AKT3: variants seen among roughly 807,000 people sequenced by gnomAD.
AKT3 encodes RAC-gamma serine/threonine-protein kinase.
In AKT3, 15 loss-of-function variants were observed where a neutral mutation model predicts 65.3. The observed-to-expected ratio is 0.23, with a 90% CI of 0.15 to 0.35. The LOEUF is 0.35. Among genes scored for constraint, AKT3 ranks in the 10% least tolerant of loss-of-function variants. The pLI is 1.00. For synonymous variants in AKT3, 206 were observed against 183.8 expected (o/e 1.12, Z -0.98); for missense variants, 243 against 576.5 (o/e 0.42, Z 5.92).
intron 3 of AKT3, among the ~76,000 whole-genome samples, chr1:243,691,919 AC>A (rs1684715416): frequency 6.6e-6 from 1 of 152,160 alleles, no homozygotes; most frequent in Non-Finnish European, 1.5e-5. Flanking sequence ...TTCAACCAGA[AC>A]CCTGTTAAAT....
intron 6 of AKT3, among the ~76,000 whole-genome samples, chr1:243,615,636 G>C (rs975989655): frequency 6.6e-6 from 1 of 152,092 alleles, no homozygotes; most frequent in African/African-American, 2.4e-5. Flanking sequence ...TTAGAACACA[G>C]AATACACATG....
chr1:243,715,398 C>G (rs538157881), intron 2 of AKT3, among the ~76,000 whole-genome samples: 1 of 151,976 alleles, frequency 6.6e-6, no homozygotes, highest in Non-Finnish European at 1.5e-5. Context: ...TTACAGTTTA[C>G]CAAATATTTT....
chr1:243,828,125 T>C (rs1245109389), intron 2 of AKT3, among the ~76,000 whole-genome samples: 1 of 152,088 alleles, frequency 6.6e-6, no homozygotes, highest in Non-Finnish European at 1.5e-5. Context: ...ACTGTCTATA[T>C]AGAAGTAAAC....
intron 13 of AKT3, among the ~76,000 whole-genome samples, chr1:243,489,372 G>A (rs556468991): frequency 6.6e-6 from 1 of 152,342 alleles, no homozygotes; most frequent in East Asian, 1.9e-4. Flanking sequence ...CCCGGCCCGC[G>A]AATCAACGAA....
intron 4 of AKT3, among the ~76,000 whole-genome samples, chr1:243,660,798 A>G (rs995651265): frequency 6.6e-6 from 1 of 152,214 alleles, no homozygotes; most frequent in South Asian, 2.1e-4. Context: ...ACATGATTGT[A>G]TATCTAGAAA....
chr1:243,733,695 A>C (rs1236334521), intron 2 of AKT3, among the ~76,000 whole-genome samples: 1 of 152,228 alleles, frequency 6.6e-6, no homozygotes, highest in African/African-American at 2.4e-5. Flanking sequence ...CTGGTTTCCC[A>C]GCTCATATAA....
intron 4 of AKT3, among the ~76,000 whole-genome samples, chr1:243,646,561 G>A (rs999307826): frequency 1.3e-5 from 2 of 152,102 alleles, no homozygotes; most frequent in African/African-American, 4.8e-5. Context: ...CACCATGTTG[G>A]CCAGGCTGGT....
intron 2 of AKT3, among the ~76,000 whole-genome samples, chr1:243,782,208 C>T (rs528947223): frequency 2.0e-5 from 3 of 152,162 alleles, no homozygotes; most frequent in Non-Finnish European, 4.4e-5. Context: ...TAAGAGAGAT[C>T]AAAACTTGTA....
chr1:243,797,129 TTA>T (rs762956946), intron 2 of AKT3, among the ~76,000 whole-genome samples: 10 of 152,156 alleles, frequency 6.6e-5, no homozygotes, highest in Non-Finnish European at 1.3e-4. Flanking sequence ...ATGGTAAATT[TTA>T]TGTTATATAT....
chr1:243,505,069 T>G lies in AKT3; in HGVS notation c.*180A>C. 2 of 543,846 alleles carry G rather than the reference T, an allele frequency of 3.7e-6. No homozygotes were observed. Among genetic ancestry groups the G allele is most frequent in the Non-Finnish European group, 6.5e-6 (2 of 306,854 alleles). 33.7% of individuals were successfully genotyped at this position (543,846 alleles called of 1,614,324 possible). ...TTTCATGCAAAAACAAAAACTGGAG[T>G]GTATTTGCGTGTATGTGTGTTTTCA... On this transcript the variant is annotated 3_prime_UTR_variant, in exon 14 of 14. Coordinates refer to ENST00000673466, the MANE Select transcript of AKT3 (RefSeq NM_005465.7).
rs1669546484 is a variant in AKT3 at position 243,504,651 on chromosome 1, T to C, written c.*598A>G. 1.1e-5 allele frequency: 2 copies of C among 174,314 alleles called. No homozygotes were observed. The highest frequency in any genetic ancestry group is 1.0e-4 in the East Asian group (1 of 9,948). The allele number at this position is 174,314 out of a possible 1,614,324, so 10.8% of individuals were successfully genotyped here. On this transcript the variant is annotated 3_prime_UTR_variant, in exon 14 of 14. Coordinates refer to ENST00000673466, the MANE Select transcript of AKT3 (RefSeq NM_005465.7). ...AAAAAAAAAATTATATATATATATA[T>C]ATATCCCAACAGTTGTTCAGTCCTT... is the stretch of plus-strand genomic sequence containing the variant.
chr1:243,809,291 CAT>C (rs1350590721), intron 2 of AKT3, among the ~76,000 whole-genome samples: 1 of 152,166 alleles, frequency 6.6e-6, no homozygotes, highest in African/African-American at 2.4e-5. Flanking sequence ...AAACCCATCT[CAT>C]GTGCGGAGAC....
intron 12 of AKT3, among the ~76,000 whole-genome samples, chr1:243,527,902 C>CAAG (rs1172030677): frequency 9.0e-6 from 1 of 111,512 alleles, no homozygotes; most frequent in African/African-American, 3.7e-5. Context: ...CACACACACA[C>CAAG]ACACACACAC....
intron 2 of AKT3, among the ~76,000 whole-genome samples, chr1:243,813,389 T>C (rs1350182693): frequency 6.6e-6 from 1 of 151,996 alleles, no homozygotes; most frequent in Non-Finnish European, 1.5e-5. Flanking sequence ...GTTCAGTGTA[T>C]ATTGCTTGGG....
chr1:243,589,306 C>CAAAAAAAAAAAA (rs758254217), intron 8 of AKT3, among the ~76,000 whole-genome samples: 32 of 40,650 alleles, frequency 7.9e-4, no homozygotes, highest in East Asian at 3.7e-3. Flanking sequence ...AACTCCATCT[C>CAAAAAAAAAAAA]AAAAAAAAAA....
intron 12 of AKT3, among the ~76,000 whole-genome samples, chr1:243,512,966 G>C (rs767574693): frequency 2.6e-5 from 4 of 152,190 alleles, no homozygotes; most frequent in Non-Finnish European, 4.4e-5. Flanking sequence ...TCTGGAAAAG[G>C]GTTTCCTGGT....
chr1:243,639,148 T>A (rs539914361), intron 5 of AKT3, among the ~76,000 whole-genome samples: 1 of 152,170 alleles, frequency 6.6e-6, no homozygotes, highest in Non-Finnish European at 1.5e-5. Context: ...AACAAATTGC[T>A]TGAAAGTCTC....
At chr1:243,602,676 A>G (rs1343239420) in intron 8 of AKT3, among the ~76,000 whole-genome samples, 1 of 152,214 alleles carries the variant, frequency 6.6e-6, no homozygotes, top group East Asian at 1.9e-4. Context: ...AGAACCTGAA[A>G]GCCGTATTGC....
intron 2 of AKT3, among the ~76,000 whole-genome samples, chr1:243,792,698 T>G (rs1372794807): frequency 6.6e-6 from 1 of 152,168 alleles, no homozygotes; most frequent in Non-Finnish European, 1.5e-5. Context: ...GGTGAGAGCT[T>G]CATGTGTACA....
Sources: allele counts gnomAD v4.1 joint callset (sites outside exome capture counted in the v4.1 genomes callset), GRCh38; gene constraint gnomAD v4.1.1; transcripts MANE v1.5; gene names NCBI Gene and HGNC (gene_info 2026-07-23, HGNC 2026-07-21).